The following KIF16B variants were observed in gnomAD, a reference collection of about 807,000 sequenced individuals.
The protein encoded by KIF16B is kinesin family member 16B.
Under a neutral mutation model 156.3 loss-of-function variants are expected in KIF16B, and 98 were observed. That is an observed-to-expected ratio of 0.63 (90% CI 0.53 to 0.74). KIF16B has a LOEUF of 0.74. Ranked by LOEUF, KIF16B falls within the 30% of genes least tolerant of loss-of-function variation. KIF16B has a pLI of 0.00. For missense variants in KIF16B, 1,421 were observed against 1,606.5 expected (o/e 0.88, Z 1.97); for synonymous variants, 564 against 583.7 (o/e 0.97, Z 0.49).
intron 12 of KIF16B, among the ~76,000 whole-genome samples, chr20:16,434,874 G>A (rs952039353): frequency 5.9e-5 from 9 of 151,970 alleles, no homozygotes; most frequent in African/African-American, 1.7e-4. Flanking sequence ...CTGCAACCCT[G>A]ACTACAAACA....
intron 1 of KIF16B, among the ~76,000 whole-genome samples, chr20:16,554,267 G>A (rs1345523051): frequency 1.3e-5 from 2 of 152,116 alleles, no homozygotes; most frequent in Non-Finnish European, 2.9e-5. Flanking sequence ...CCTCCCCTAT[G>A]AGGCCCATAA....
chr20:16,426,871 C>T (rs1378898806), intron 15 of KIF16B, among the ~76,000 whole-genome samples: 1 of 152,012 alleles, frequency 6.6e-6, no homozygotes, highest in East Asian at 1.9e-4. Context: ...TCCATAACAA[C>T]AACTTTTAAG....
At position 16,508,033 on chromosome 20, in the gene KIF16B, G is replaced by C; in HGVS notation, c.624C>G (p.Asn208Lys). 6.2e-7 allele frequency: 1 copy of C among 1,614,084 alleles called. No homozygotes were observed. The highest frequency in any genetic ancestry group is 8.5e-7 in the Non-Finnish European group (1 of 1,179,976). The change falls in exon 7 of 26, where the codon AAC (asparagine) becomes AAG (lysine). Residue 208 changes from asparagine (N) to lysine (K), a missense_variant. Asn to Lys is a moderately conservative substitution (Grantham distance 94). Coordinates refer to ENST00000354981, the MANE Select transcript of KIF16B (RefSeq NM_024704.5). Reference sequence around the variant, plus strand: ...TCATCCCAGTCGCTGCGGTGGTCCGGTTGATATTGCCCGCATCCATAAGTT... The same window carrying C: ...TCATCCCAGTCGCTGCGGTGGTCCGCTTGATATTGCCCGCATCCATAAGTT... ...VEELMDAGNI[N>K]RTTAATGMND...
chr20:16,409,972 T>TATAC (rs1555877409), intron 15 of KIF16B, among the ~76,000 whole-genome samples: 1 of 27,508 alleles, frequency 3.6e-5, no homozygotes, highest in Non-Finnish European at 9.1e-5. Flanking sequence ...TATATATACA[T>TATAC]ATATATATAT....
intron 12 of KIF16B, among the ~76,000 whole-genome samples, chr20:16,447,874 G>A (rs2066976634): frequency 6.6e-6 from 1 of 152,128 alleles, no homozygotes; most frequent in Non-Finnish European, 1.5e-5. Context: ...AGGAGGCTGA[G>A]GTGAGAGGAT....
At chr20:16,445,560 T>A (rs983086997) in intron 12 of KIF16B, among the ~76,000 whole-genome samples, 2 of 152,010 alleles carry the variant, frequency 1.3e-5, no homozygotes, top group Non-Finnish European at 2.9e-5. Context: ...CTAAGTGCTC[T>A]CAAATGGCAT....
chr20:16,293,454 AG>A (rs2063340606), intron 25 of KIF16B, among the ~76,000 whole-genome samples: 1 of 152,254 alleles, frequency 6.6e-6, no homozygotes, highest in Admixed American at 6.5e-5. Flanking sequence ...TTTTATATCT[AG>A]CCAGTGAGTG....
At chr20:16,352,560 C>T (rs939618456) in intron 23 of KIF16B, among the ~76,000 whole-genome samples, 5 of 152,178 alleles carry the variant, frequency 3.3e-5, no homozygotes, top group African/African-American at 4.8e-5. Flanking sequence ...CGCCCTGTGT[C>T]GTCCCTGGAA....
intron 12 of KIF16B, among the ~76,000 whole-genome samples, chr20:16,435,208 T>TACCTGAATC (rs2066611563): frequency 6.6e-6 from 1 of 152,206 alleles, no homozygotes; most frequent in Non-Finnish European, 1.5e-5. Context: ...TAAGCACCAT[T>TACCTGAATC]ACCTGAATCT....
chr20:16,508,112 A>C lies in KIF16B; in HGVS notation c.557-12T>G, dbSNP rs2068843738. The C allele has an allele frequency of 6.2e-7, 1 of 1,613,526 alleles. No homozygotes were observed. The highest frequency in any genetic ancestry group is 8.5e-7 in the Non-Finnish European group (1 of 1,179,674). ...ATGTTTGGATAAATCTGAAAAAGAA[A>C]ATGGAAGGGGTGAAGAAATCCCCCT... On this transcript the variant is annotated splice_polypyrimidine_tract_variant and intron_variant, in intron 6 of 25. Transcript: ENST00000354981.
At chr20:16,459,547 A>G (rs1020316573) in intron 12 of KIF16B, among the ~76,000 whole-genome samples, 2 of 152,198 alleles carry the variant, frequency 1.3e-5, no homozygotes, top group Non-Finnish European at 2.9e-5. Context: ...CTCAAGTGTA[A>G]CAGAACTCAG....
At position 16,379,727 on chromosome 20, in the gene KIF16B, C is replaced by A; in HGVS notation, c.2275G>T (p.Val759Phe). The A allele has an allele frequency of 6.2e-7, 1 of 1,614,196 alleles. No homozygotes were observed. The highest frequency in any genetic ancestry group is 8.5e-7 in the Non-Finnish European group (1 of 1,180,032). ...KRLEEQEKEQ[V>F]MLVAHLEEQL... ...TCTTCCAGATGGGCCACGAGCATGA[C>A]CTGCTCCTTCTCCTGCTCCTCTAGT... The change falls in exon 19 of 26, where the codon GTC becomes TTC. Residue 759 changes from valine to phenylalanine, a missense_variant. Val to Phe is a conservative substitution (Grantham distance 50). Coordinates refer to ENST00000354981, the MANE Select transcript of KIF16B (RefSeq NM_024704.5).
chr20:16,557,699 C>A (rs2070902341), intron 1 of KIF16B, among the ~76,000 whole-genome samples: 1 of 152,164 alleles, frequency 6.6e-6, no homozygotes, highest in African/African-American at 2.4e-5. Flanking sequence ...TGGTCCTCCA[C>A]TCGAAGCCCA....
intron 24 of KIF16B, among the ~76,000 whole-genome samples, chr20:16,316,190 C>T (rs983161228): frequency 3.9e-5 from 6 of 152,164 alleles, no homozygotes; most frequent in African/African-American, 1.4e-4. Flanking sequence ...CATAAAACTT[C>T]GACACTTAAG....
At chr20:16,437,399 C>A (rs775931448) in intron 12 of KIF16B, among the ~76,000 whole-genome samples, 2 of 152,158 alleles carry the variant, frequency 1.3e-5, no homozygotes, top group Non-Finnish European at 2.9e-5. Context: ...GATTCAGAGA[C>A]TGGGAAGGCA....
chr20:16,560,627 T>C (rs1472249191), intron 1 of KIF16B, among the ~76,000 whole-genome samples: 1 of 152,108 alleles, frequency 6.6e-6, no homozygotes, highest in East Asian at 1.9e-4. Flanking sequence ...GGCAACATGG[T>C]GAAACCCCTT....
intron 25 of KIF16B, among the ~76,000 whole-genome samples, chr20:16,282,662 A>G (rs544174538): frequency 1.3e-5 from 2 of 152,128 alleles, no homozygotes; most frequent in East Asian, 2.0e-4. Flanking sequence ...GGCATCACCA[A>G]TTGTCTAGCG....
intron 4 of KIF16B, 117 bp downstream of exon 4, chr20:16,515,431 T>C (rs2069111949): frequency 6.5e-6 from 4 of 610,976 alleles, no homozygotes; most frequent in Middle Eastern, 2.6e-4. Flanking sequence ...ATCTTATTAC[T>C]AAAGAATAAT....
chr20:16,532,674 T>C (rs2069802953), intron 1 of KIF16B, among the ~76,000 whole-genome samples: 1 of 151,832 alleles, frequency 6.6e-6, no homozygotes, highest in South Asian at 2.1e-4. Flanking sequence ...TCCTTTTTTC[T>C]CAATCAATCA....
Sources: gnomAD v4.1 joint callset for allele counts (sites outside exome capture counted in the v4.1 genomes callset) on GRCh38, gnomAD v4.1.1 for gene constraint, MANE v1.5 for transcripts, NCBI Gene and HGNC (gene_info 2026-07-23, HGNC 2026-07-21) for gene names.